CHSY3: variants seen among roughly 807,000 people sequenced by gnomAD.
CHSY3 encodes the protein N-acetylgalactosaminyl-proteoglycan 3-beta-glucuronosyltransferase 3.
In CHSY3, 35 loss-of-function variants were observed where a neutral mutation model predicts 67.2. The ratio of observed to expected loss-of-function variants is 0.52; its 90% CI spans 0.40 to 0.69. The LOEUF is 0.69. CHSY3 is among the 30% of genes least tolerant of loss of function. The pLI, the probability that CHSY3 is intolerant of heterozygous loss-of-function variation, is 0.00. For synonymous variants in CHSY3, 474 were observed against 434.7 expected (o/e 1.09, Z -1.12); for missense variants, 1,069 against 1,138.5 (o/e 0.94, Z 0.88).
At chr5:130,066,369 C>T (rs1765886250) in intron 2 of CHSY3, among the ~76,000 whole-genome samples, 1 of 152,012 alleles carries the variant, frequency 6.6e-6, no homozygotes, top group Non-Finnish European at 1.5e-5. Flanking sequence ...CTTTTGAATA[C>T]TATGAGAACT....
intron 2 of CHSY3, among the ~76,000 whole-genome samples, chr5:130,009,464 G>A (rs953158814): frequency 8.6e-5 from 13 of 151,616 alleles, no homozygotes; most frequent in Non-Finnish European, 1.6e-4. Flanking sequence ...GGTCCTTAAA[G>A]GAGTGCTAGA....
rs188133607 is a variant in CHSY3 at position 130,078,258 on chromosome 5, C to G, written c.1087-105971C>G. ...TCACAAATGCCTCTCCGCCAGCCTA[C>G]CCACTTGGGCTTCAGAAACACCAAA... On this transcript the variant is annotated intron_variant, in intron 2 of 2. Coordinates refer to ENST00000305031, the MANE Select transcript of CHSY3 (RefSeq NM_175856.5). Among the ~76,000 whole-genome samples, 27 of 152,170 alleles carry G rather than the reference C, an allele frequency of 1.8e-4. No homozygotes were observed. The East Asian group carries it at 5.2e-3, about 30-fold the overall frequency.
intron 2 of CHSY3, among the ~76,000 whole-genome samples, chr5:130,059,611 C>T (rs1765645268): frequency 6.6e-6 from 1 of 151,996 alleles, no homozygotes; most frequent in Admixed American, 6.5e-5. Context: ...TCTGAAAAAC[C>T]CTTTATCCAT....
chr5:130,142,756 C>G (rs193147212), intron 2 of CHSY3, among the ~76,000 whole-genome samples: 23 of 152,036 alleles, frequency 1.5e-4, no homozygotes, highest in Middle Eastern at 3.4e-3. Context: ...TTTCCAAAGA[C>G]AGAGAATCCA....
chr5:130,084,698 T>G (rs1766554869), intron 2 of CHSY3, among the ~76,000 whole-genome samples: 1 of 151,966 alleles, frequency 6.6e-6, no homozygotes, highest in Admixed American at 6.6e-5. Flanking sequence ...AAACACAATC[T>G]ATTAATGTCT....
intron 2 of CHSY3, among the ~76,000 whole-genome samples, chr5:130,160,891 A>ATTTTTTTTTT: frequency 1.4e-5 from 2 of 138,256 alleles, no homozygotes; most frequent in Non-Finnish European, 3.0e-5. Context: ...TTATTTATTT[A>ATTTTTTTTTT]TTTATTTTTT....
intron 2 of CHSY3, among the ~76,000 whole-genome samples, chr5:130,000,732 C>CTT (rs71000946): frequency 0.014 from 1,069 of 76,462 alleles, 200 homozygotes; most frequent in African/African-American, 0.027. Context: ...AACTTTTCTT[C>CTT]TTTTTTTTTT....
intron 2 of CHSY3, among the ~76,000 whole-genome samples, chr5:130,017,099 T>C (rs867060888): frequency 6.6e-6 from 1 of 152,174 alleles, no homozygotes; most frequent in Non-Finnish European, 1.5e-5. Context: ...ACAAGACTGA[T>C]TTATGAAGGT....
Position 130,045,660 on chromosome 5 carries a change from T to C in CHSY3, c.1086+137300T>C, listed in dbSNP as rs146576835. ...TGCTCTCTATGGGAGTACGTGGGGA[T>C]GCCATTGCCCTGGAACTACTGTTTC... On this transcript the variant is annotated intron_variant, in intron 2 of 2. Coordinates refer to ENST00000305031, the MANE Select transcript of CHSY3 (RefSeq NM_175856.5). 2.0e-3 allele frequency among the ~76,000 whole-genome samples: 305 copies of C among 152,240 alleles called. 4 individuals carry two copies. In the East Asian group the frequency reaches 0.021, roughly 11 times the overall value.
At chr5:129,904,329 C>G (rs1261745977), upstream of CHSY3, 1 of 153,416 alleles carries the variant, frequency 6.5e-6, no homozygotes, top group Middle Eastern at 3.1e-3. Context: ...GCGGCCCGCG[C>G]TTCTCTCCGG....
At chr5:130,137,965 T>A (rs1768720135) in intron 2 of CHSY3, among the ~76,000 whole-genome samples, 1 of 152,164 alleles carries the variant, frequency 6.6e-6, no homozygotes, top group South Asian at 2.1e-4. Context: ...ATGTGAAATT[T>A]TTTGATTTGT....
At chr5:130,043,532 GT>G (rs1765061676) in intron 2 of CHSY3, among the ~76,000 whole-genome samples, 1 of 152,098 alleles carries the variant, frequency 6.6e-6, no homozygotes, top group Admixed American at 6.6e-5. Flanking sequence ...TTTGCATTCT[GT>G]TTTGGTGGAC....
chr5:130,153,531 C>A (rs758518269), intron 2 of CHSY3, among the ~76,000 whole-genome samples: 33 of 152,086 alleles, frequency 2.2e-4, no homozygotes, highest in Non-Finnish European at 3.8e-4. Flanking sequence ...CGTATAATCC[C>A]CAATCTGGGA....
At chr5:130,098,030 T>C (rs535503343) in intron 2 of CHSY3, among the ~76,000 whole-genome samples, 61 of 151,766 alleles carry the variant, frequency 4.0e-4, no homozygotes, top group Non-Finnish European at 7.7e-4. Flanking sequence ...AAGAAAGAAG[T>C]AATACAGGGA....
intron 2 of CHSY3, among the ~76,000 whole-genome samples, chr5:129,950,010 A>G (rs1313947416): frequency 6.6e-6 from 1 of 151,946 alleles, no homozygotes; most frequent in Non-Finnish European, 1.5e-5. Flanking sequence ...CTAAAAATAC[A>G]AAAATTAGCC....
intron 2 of CHSY3, among the ~76,000 whole-genome samples, chr5:130,024,137 C>CAAAAAA (rs5871376): frequency 1.8e-5 from 2 of 110,000 alleles, no homozygotes; most frequent in South Asian, 3.2e-4. Context: ...GATTGATGGT[C>CAAAAAA]AAAAAAAAAA....
chr5:129,956,574 C>A (rs1762181040), intron 2 of CHSY3, among the ~76,000 whole-genome samples: 1 of 151,962 alleles, frequency 6.6e-6, no homozygotes, highest in African/African-American at 2.4e-5. Context: ...TCCCATTTGT[C>A]AATTTTTGCT....
chr5:130,051,325 G>T (rs999565932), intron 2 of CHSY3, among the ~76,000 whole-genome samples: 9 of 152,112 alleles, frequency 5.9e-5, no homozygotes, highest in South Asian at 2.1e-4. Context: ...AATCACTATA[G>T]AACTTTTTTT....
At chr5:130,114,068 A>G (rs889568097) in intron 2 of CHSY3, among the ~76,000 whole-genome samples, 1 of 152,164 alleles carries the variant, frequency 6.6e-6, no homozygotes, top group African/African-American at 2.4e-5. Flanking sequence ...GTGTGAAATG[A>G]CTAAGCAAAC....
Sources: allele counts gnomAD v4.1 joint callset (sites outside exome capture counted in the v4.1 genomes callset), GRCh38; gene constraint gnomAD v4.1.1; transcripts MANE v1.5; gene names NCBI Gene and HGNC (gene_info 2026-07-23, HGNC 2026-07-21).